MYO1E: variants seen among roughly 807,000 people sequenced by gnomAD.
MYO1E encodes the protein myosin IE.
A neutral mutation model predicts 151.1 loss-of-function variants in MYO1E; 68 were observed. The observed-to-expected ratio is 0.45, with a 90% CI of 0.37 to 0.55. MYO1E has a LOEUF of 0.55. Ranked by LOEUF, MYO1E falls within the 20% of genes least tolerant of loss-of-function variation. The pLI, the probability that MYO1E is intolerant of heterozygous loss-of-function variation, is 0.00. For missense variants in MYO1E, 1,363 were observed against 1,389.3 expected (o/e 0.98, Z 0.30); for synonymous variants, 601 against 501.7 (o/e 1.20, Z -2.64).
At chr15:59,195,735 GC>G (rs1427158294) in intron 16 of MYO1E, among the ~76,000 whole-genome samples, 168 bp from the exon 17 acceptor site, 1 of 152,158 alleles carries the variant, frequency 6.6e-6, no homozygotes, top group African/African-American at 2.4e-5. Context: ...CGAAAGCTTT[GC>G]CGACTTTTAT....
intron 19 of MYO1E, among the ~76,000 whole-genome samples, chr15:59,175,574 A>C (rs113634616): frequency 0.012 from 1,865 of 152,334 alleles, 20 homozygotes; most frequent in Middle Eastern, 0.02. Flanking sequence ...AACAATAGGC[A>C]TAAGGACAGA....
At chr15:59,172,985 G>A (rs1444306904) in intron 21 of MYO1E, among the ~76,000 whole-genome samples, 3 of 152,218 alleles carry the variant, frequency 2.0e-5, no homozygotes, top group East Asian at 1.9e-4. Flanking sequence ...TGACCTCCCC[G>A]CCCCTGGCAA....
At chr15:59,267,506 A>G (rs1479140886) in intron 2 of MYO1E, among the ~76,000 whole-genome samples, 1 of 152,200 alleles carries the variant, frequency 6.6e-6, no homozygotes, top group Non-Finnish European at 1.5e-5. Context: ...GTCTTGCTAT[A>G]TAGCATGCTG....
chr15:59,352,789 A>G (rs990429533), intron 1 of MYO1E, among the ~76,000 whole-genome samples: 3 of 152,170 alleles, frequency 2.0e-5, no homozygotes, highest in Admixed American at 6.5e-5. Context: ...GCCCCCCTCA[A>G]AGGCTCTAAG....
chr15:59,169,195 T>C (rs2079578116), intron 22 of MYO1E, among the ~76,000 whole-genome samples: 1 of 152,216 alleles, frequency 6.6e-6, no homozygotes. Flanking sequence ...AAATCGTAAC[T>C]AGGAGGCCAT....
intron 4 of MYO1E, among the ~76,000 whole-genome samples, chr15:59,250,141 G>A (rs1482071115): frequency 1.3e-5 from 2 of 152,166 alleles, no homozygotes; most frequent in African/African-American, 4.8e-5. Context: ...TGACTGGGCG[G>A]TGATGTCTAT....
chr15:59,139,000 C>T (rs75387737), intron 26 of MYO1E, among the ~76,000 whole-genome samples: 6,490 of 152,152 alleles, frequency 0.043, 252 homozygotes, highest in African/African-American at 0.1. Flanking sequence ...TACACCACTG[C>T]GCGAGTGAGT....
At chr15:59,276,454 C>T (rs148735667) in intron 1 of MYO1E, among the ~76,000 whole-genome samples, 4 of 152,042 alleles carry the variant, frequency 2.6e-5, no homozygotes, top group Non-Finnish European at 4.4e-5. Flanking sequence ...ACGACATGAA[C>T]GTAATAATAA....
At chr15:59,140,345 T>C (rs1031254765) in intron 26 of MYO1E, among the ~76,000 whole-genome samples, 7 of 152,348 alleles carry the variant, frequency 4.6e-5, no homozygotes, top group African/African-American at 1.7e-4. Flanking sequence ...CACTTATACC[T>C]GAAACATTTA....
chr15:59,214,921 G>C (rs1194364945), intron 10 of MYO1E, among the ~76,000 whole-genome samples: 2 of 152,172 alleles, frequency 1.3e-5, no homozygotes, highest in African/African-American at 2.4e-5. Context: ...CCAGGATTCA[G>C]AAAAGCGAGT....
chr15:59,158,779 G>A (rs902543305), intron 24 of MYO1E, among the ~76,000 whole-genome samples: 3 of 152,216 alleles, frequency 2.0e-5, no homozygotes, highest in East Asian at 1.9e-4. Flanking sequence ...CATGAAGCCC[G>A]TTCTGGCACT....
intron 1 of MYO1E, among the ~76,000 whole-genome samples, chr15:59,274,953 T>A (rs1010927046): frequency 1.3e-5 from 2 of 152,168 alleles, no homozygotes; most frequent in African/African-American, 4.8e-5. Context: ...TATAACAAGG[T>A]GACAGTGGTT....
intron 1 of MYO1E, among the ~76,000 whole-genome samples, chr15:59,312,861 T>TAAA (rs2080561302): frequency 6.6e-6 from 1 of 150,414 alleles, no homozygotes; most frequent in Non-Finnish European, 1.5e-5. Flanking sequence ...CTACTAAAAA[T>TAAA]AATAATAATA....
chr15:59,200,654 C>T (rs1310148947), intron 16 of MYO1E, among the ~76,000 whole-genome samples: 4 of 152,054 alleles, frequency 2.6e-5, no homozygotes, highest in Non-Finnish European at 5.9e-5. Flanking sequence ...AAGCAGAGAC[C>T]AACAACGGCG....
rs746323663 is a variant in MYO1E, at chr15:59,224,779, G to T, written c.687C>A (p.Ile229=). 1 of 1,614,196 alleles carries T rather than the reference G, an allele frequency of 6.2e-7. No homozygotes were observed. The highest frequency in any genetic ancestry group is 8.5e-7 in the Non-Finnish European group (1 of 1,180,024). ...ASAEQKHSLG[I]TSMDYYYYLS... ...GGTAGTAATAATAGTCCATGCTGGT[G>T]ATGCCAAGGCTGTGTTTCTGCTCTG... Residue 229 remains isoleucine, a synonymous_variant, in exon 8 of 28, where the codon ATC becomes ATA. Transcript: ENST00000288235.
chr15:59,202,011 T>C (rs1287945433), intron 16 of MYO1E, among the ~76,000 whole-genome samples: 8 of 152,198 alleles, frequency 5.3e-5, no homozygotes, highest in Admixed American at 2.0e-4. Context: ...CTCCGAACCA[T>C]ATTTCTCTGA....
In MYO1E at chr15:59,159,726, C is replaced by A. The variant is rs1489611223; in HGVS notation, c.2785+1347G>T. Among the ~76,000 whole-genome samples, 3 of 152,200 alleles carry A rather than the reference C, an allele frequency of 2.0e-5. No individual in the cohort carries two copies. The highest frequency in any genetic ancestry group is 7.2e-5 in the African/African-American group (3 of 41,450). On this transcript the variant is annotated intron_variant, in intron 24 of 27. Coordinates refer to ENST00000288235, the MANE Select transcript of MYO1E (RefSeq NM_004998.4). This position sits in a 1 kb window ranked among gnomAD's most constrained non-coding sequence, Gnocchi z 4.4. ...TACTAACGGATACACAGACATACAT[C>A]AACATTTTCTGAGTGGCTCTACATA... is the stretch of plus-strand genomic sequence containing the variant.
chr15:59,252,304 G>A (rs1049033221), intron 4 of MYO1E, among the ~76,000 whole-genome samples: 1 of 152,124 alleles, frequency 6.6e-6, no homozygotes, highest in African/African-American at 2.4e-5. Flanking sequence ...AAGGCCTAGC[G>A]GGGTGCGGTG....
rs148562488 is a variant in MYO1E at position 59,172,403 on chromosome 15, C to G, written c.2335-361G>C. Among the ~76,000 whole-genome samples the G allele has an allele frequency of 7.7e-4, 118 of 152,296 alleles. 1 individual carries two copies. The East Asian group carries it at 0.02, about 26-fold the overall frequency. ...GTCAATGTGATGACAACAATTCACA[C>G]AGTGGACTGCTGTTACCAGGACAGG... On this transcript the variant is annotated intron_variant, in intron 21 of 27. Coordinates refer to ENST00000288235, the MANE Select transcript of MYO1E (RefSeq NM_004998.4).
Sources: gnomAD v4.1 joint callset for allele counts (sites outside exome capture counted in the v4.1 genomes callset) on GRCh38, gnomAD v4.1.1 for gene constraint, Gnocchi (gnomAD v3.1) non-coding constraint, MANE v1.5 for transcripts, NCBI Gene and HGNC (gene_info 2026-07-23, HGNC 2026-07-21) for gene names.